The following TCF4 variants were observed in gnomAD, a reference collection of about 807,000 sequenced individuals.
The protein encoded by TCF4 is SL3-3 enhancer factor 2.
Under a neutral mutation model 82.1 loss-of-function variants are expected in TCF4, and 3 were observed. That is an observed-to-expected ratio of 0.04 (90% confidence interval 0.02 to 0.09). The LOEUF (loss-of-function observed/expected upper bound fraction) is 0.09, where lower values mean the gene tolerates loss of function less well. Ranked by LOEUF, TCF4 falls within the 10% of genes least tolerant of loss-of-function variation. The pLI, the probability that TCF4 is intolerant of heterozygous loss-of-function variation, is 1.00. For synonymous variants in TCF4, 276 were observed against 309.6 expected (o/e 0.89, Z 1.14); for missense variants, 518 against 852.7 (o/e 0.61, Z 4.89).
At chr18:55,289,809 T>C (rs1004049013) in intron 8 of TCF4, among the ~76,000 whole-genome samples, 2 of 152,054 alleles carry the variant, frequency 1.3e-5, no homozygotes, top group African/African-American at 4.8e-5. Flanking sequence ...ATTTCTTCTA[T>C]ACCCTATTGT....
chr18:55,506,324 A>C (rs953590740), intron 3 of TCF4, among the ~76,000 whole-genome samples: 2 of 152,236 alleles, frequency 1.3e-5, no homozygotes, highest in Non-Finnish European at 2.9e-5. Context: ...ACTTACTAAT[A>C]AGTGTAACTC....
At chr18:55,267,106 GTCC>G (rs2059355295) in intron 11 of TCF4, 2 of 152,126 alleles carry the variant, frequency 1.3e-5, no homozygotes, top group African/African-American at 4.8e-5. Context: ...AAAATGTGAT[GTCC>G]ATGTGTTAGT....
chr18:55,635,598 G>C, intron 1 of TCF4: 1 of 1,397,482 alleles, frequency 7.2e-7, no homozygotes. Flanking sequence ...AGAGAGGTTA[G>C]AGAGCTAGAA....
At chr18:55,608,449 T>C (rs1241098246) in intron 2 of TCF4, among the ~76,000 whole-genome samples, 1 of 150,484 alleles carries the variant, frequency 6.6e-6, no homozygotes, top group Non-Finnish European at 1.5e-5. Context: ...AAATGGACCT[T>C]GAGTATGTTT....
At chr18:55,256,020 C>T (rs1187364401) in intron 14 of TCF4, among the ~76,000 whole-genome samples, 6 of 152,140 alleles carry the variant, frequency 3.9e-5, no homozygotes, top group Admixed American at 3.3e-4. Context: ...GCTAGCTTTG[C>T]TACGTATTTG....
intron 3 of TCF4, among the ~76,000 whole-genome samples, chr18:55,532,217 A>G (rs936153660): frequency 6.6e-6 from 1 of 152,246 alleles, no homozygotes; most frequent in Non-Finnish European, 1.5e-5. Flanking sequence ...TGAATCTTCA[A>G]TGAACAACCA....
At chr18:55,543,068 A>T (rs931006605) in intron 3 of TCF4, among the ~76,000 whole-genome samples, 11 of 152,046 alleles carry the variant, frequency 7.2e-5, no homozygotes, top group Non-Finnish European at 1.6e-4. Context: ...AGAAGTTAAA[A>T]TTGTTTGGAC....
At chr18:55,260,143 T>C (rs2057731779) in intron 12 of TCF4, 116 bp from the exon 13 acceptor site, 1 of 769,464 alleles carries the variant, frequency 1.3e-6, no homozygotes, top group Non-Finnish European at 2.2e-6. Context: ...ACAGCATACA[T>C]GTAATAATCA....
chr18:55,378,743 GA>G (rs1264103191), intron 6 of TCF4, among the ~76,000 whole-genome samples: 1 of 152,168 alleles, frequency 6.6e-6, no homozygotes, highest in Non-Finnish European at 1.5e-5. Context: ...ATGGTACACA[GA>G]AAACTATACT....
At chr18:55,279,778 A>G (rs1470340877) in intron 8 of TCF4, 122 bp from the exon 9 acceptor site, 8 of 1,473,412 alleles carry the variant, frequency 5.4e-6, no homozygotes, top group East Asian at 2.4e-5. Context: ...TTAAATCTGA[A>G]CAAACCCTAG....
intron 6 of TCF4, among the ~76,000 whole-genome samples, chr18:55,392,829 T>C (rs895234700): frequency 9.9e-5 from 15 of 152,200 alleles, no homozygotes; most frequent in Non-Finnish European, 1.5e-4. Context: ...ATGTTTCCCA[T>C]ATAGTGGGCA....
At chr18:55,583,628 CACA>C (rs1254188178) in intron 3 of TCF4, among the ~76,000 whole-genome samples, 2 of 151,992 alleles carry the variant, frequency 1.3e-5, no homozygotes, top group African/African-American at 4.8e-5. Context: ...TGCATATTTT[CACA>C]ACATTGCAAA....
In TCF4 at chr18:55,277,597, ACTCAAT is replaced by A. The variant is rs1312328275; in HGVS notation, c.656-1851_656-1846del. 3.1e-5 allele frequency among the ~76,000 whole-genome samples: 4 copies of A among 128,872 alleles called. No homozygotes were observed. In the East Asian group the frequency reaches 9.7e-4, roughly 31 times the overall value. The allele number at this position is 128,872 out of a possible 152,430, so 84.5% of individuals were successfully genotyped here. ...TTAATTGTGCTCATCAAAAATGTCA[ACTCAAT>A]TTTTTTTTTTTTTTTTTGCTTTTCG... On this transcript the variant is annotated intron_variant, in intron 9 of 19. Transcript: ENST00000354452.
intron 3 of TCF4, among the ~76,000 whole-genome samples, chr18:55,555,351 A>C (rs965794435): frequency 2.6e-5 from 4 of 152,214 alleles, no homozygotes; most frequent in African/African-American, 9.6e-5. Context: ...TGACTCTCCA[A>C]CAGACTGAGA....
chr18:55,422,895 T>TTA, intron 5 of TCF4, among the ~76,000 whole-genome samples: 1 of 152,182 alleles, frequency 6.6e-6, no homozygotes, highest in South Asian at 2.1e-4. Flanking sequence ...CGATGCATAA[T>TTA]TAGCCATCAG....
chr18:55,346,118 A>G (rs2081122749), intron 8 of TCF4, among the ~76,000 whole-genome samples: 1 of 152,152 alleles, frequency 6.6e-6, no homozygotes, highest in South Asian at 2.1e-4. Flanking sequence ...CACAAAATAC[A>G]TAGGACATTT....
chr18:55,422,935 T>TG (rs2094828599), intron 5 of TCF4, among the ~76,000 whole-genome samples: 1 of 151,488 alleles, frequency 6.6e-6, no homozygotes, highest in East Asian at 1.9e-4. Context: ...CATTTTTGGG[T>TG]GAAAAAAAAC....
At chr18:55,391,800 A>G (rs1482714196) in intron 6 of TCF4, among the ~76,000 whole-genome samples, 1 of 151,082 alleles carries the variant, frequency 6.6e-6, no homozygotes, top group Non-Finnish European at 1.5e-5. Flanking sequence ...TAGCCAGCCC[A>G]GGTGGCACAC....
intron 8 of TCF4, among the ~76,000 whole-genome samples, chr18:55,300,601 C>G (rs1568836328): frequency 6.6e-6 from 1 of 152,174 alleles, no homozygotes; most frequent in Non-Finnish European, 1.5e-5. Context: ...TCGGTTCTTC[C>G]AGATCTTTCT....
Sources: gnomAD v4.1 joint callset for allele counts (sites outside exome capture counted in the v4.1 genomes callset) on GRCh38, gnomAD v4.1.1 for gene constraint, MANE v1.5 for transcripts, NCBI Gene and HGNC (gene_info 2026-07-23, HGNC 2026-07-21) for gene names.